GLIS3: variants seen among roughly 807,000 people sequenced by gnomAD.
GLIS3 encodes the protein zinc finger protein GLIS3.
A neutral mutation model predicts 78.6 loss-of-function variants in GLIS3; 53 were observed. The ratio of observed to expected loss-of-function variants is 0.67; its 90% CI spans 0.54 to 0.85. The LOEUF (loss-of-function observed/expected upper bound fraction) is 0.85, where lower values mean the gene tolerates loss of function less well. GLIS3 is among the 40% of genes least tolerant of loss of function. GLIS3 has a pLI of 0.00. For synonymous variants in GLIS3, 684 were observed against 509.9 expected, an observed-to-expected ratio of 1.34 and a Z score of -4.60; for missense variants, 1,703 against 1,231.1, an observed-to-expected ratio of 1.38 and a Z score of -5.74.
chr9:4,229,027 G>C (rs1822023654), intron 2 of GLIS3, among the ~76,000 whole-genome samples: 1 of 152,196 alleles, frequency 6.6e-6, no homozygotes, highest in African/African-American at 2.4e-5. Flanking sequence ...TCATGAGGCA[G>C]TTTTGTATAT....
chr9:4,474,549 A>G, the GLIS3 span, among the ~76,000 whole-genome samples: 27 of 152,344 alleles, frequency 1.8e-4, no homozygotes, highest in Middle Eastern at 3.4e-3. Flanking sequence ...AAAATAATGA[A>G]TCCCAGATAG....
chr9:3,852,869 T>C (rs1374515810), intron 9 of GLIS3, among the ~76,000 whole-genome samples: 2 of 152,224 alleles, frequency 1.3e-5, no homozygotes, highest in Non-Finnish European at 2.9e-5. Context: ...AGGGCTGATA[T>C]TAGCAGTTTC....
At chr9:4,419,608 C>T in the GLIS3 span, among the ~76,000 whole-genome samples, 4 of 152,134 alleles carry the variant, frequency 2.6e-5, no homozygotes, top group East Asian at 7.8e-4. Flanking sequence ...TGTGAAACCC[C>T]ATCTCTACTA....
chr9:4,213,187 G>A (rs544625331), intron 2 of GLIS3, among the ~76,000 whole-genome samples: 2 of 152,218 alleles, frequency 1.3e-5, no homozygotes, highest in East Asian at 1.9e-4. Flanking sequence ...TTCTACTCCA[G>A]CTGTTTCCTT....
intron 2 of GLIS3, among the ~76,000 whole-genome samples, chr9:4,246,732 C>G (rs1302498206): frequency 1.3e-5 from 2 of 152,182 alleles, no homozygotes; most frequent in Non-Finnish European, 2.9e-5. Context: ...TTTCCTAAAA[C>G]AAAACTGCAT....
the GLIS3 span, among the ~76,000 whole-genome samples, chr9:4,445,433 C>T: frequency 6.6e-6 from 1 of 152,084 alleles, no homozygotes; most frequent in African/African-American, 2.4e-5. Context: ...TCAAGACCAG[C>T]CTGGGCAACA....
At chr9:4,392,191 G>T in the GLIS3 span, among the ~76,000 whole-genome samples, 1 of 151,900 alleles carries the variant, frequency 6.6e-6, no homozygotes, top group South Asian at 2.1e-4. Context: ...GCTGAACGAT[G>T]AGAGCACATG....
In GLIS3 at chr9:4,287,750, G is replaced by C. The variant is rs191467308; in HGVS notation, c.-98-1227C>G. ...AGGACTCCATAAATAATCGAGAAAA[G>C]GCTATCAAGGAGAAACACTTTTTGT... On this transcript the variant is annotated intron_variant, in intron 1 of 10. Transcript: ENST00000381971. 5.5e-3 allele frequency among the ~76,000 whole-genome samples: 839 copies of C among 152,236 alleles called. 8 individuals carry two copies. Among genetic ancestry groups the C allele is most frequent in the Non-Finnish European group, 7.8e-3 (532 of 68,014 alleles).
At chr9:4,467,796 T>TC in the GLIS3 span, among the ~76,000 whole-genome samples, 844 of 152,226 alleles carry the variant, frequency 5.5e-3, 4 homozygotes, top group Non-Finnish European at 0.01. Flanking sequence ...CTCTGACGAG[T>TC]TGAGAGAAGA....
At chr9:3,879,290 T>C in intron 8 of GLIS3, 137 bp downstream of exon 8, 1 of 812,006 alleles carries the variant, frequency 1.2e-6, no homozygotes, top group Non-Finnish European at 2.2e-6. Flanking sequence ...TTTGTGTATG[T>C]ACTTTTAAAA....
At chr9:3,872,806 A>C (rs1286534270) in intron 8 of GLIS3, among the ~76,000 whole-genome samples, 2 of 152,236 alleles carry the variant, frequency 1.3e-5, no homozygotes, top group Admixed American at 6.5e-5. Flanking sequence ...TGTAGCAATA[A>C]ATGCTTATAT....
chr9:4,096,790 T>C (rs751730660), intron 4 of GLIS3, among the ~76,000 whole-genome samples: 13 of 152,140 alleles, frequency 8.5e-5, no homozygotes, highest in Non-Finnish European at 1.3e-4. Flanking sequence ...GGCAGGTGGA[T>C]TGCTTGAACC....
the GLIS3 span, among the ~76,000 whole-genome samples, chr9:4,354,625 C>T: frequency 2.0e-5 from 3 of 152,290 alleles, no homozygotes; most frequent in Admixed American, 2.0e-4. Flanking sequence ...TGGAACAGTG[C>T]ACTATTCAAG....
chr9:3,942,399 C>G (rs1401177156), intron 4 of GLIS3, among the ~76,000 whole-genome samples: 1 of 152,144 alleles, frequency 6.6e-6, no homozygotes, highest in Non-Finnish European at 1.5e-5. Context: ...TCTCCACATA[C>G]AACCCAAAGA....
At chr9:4,440,854 T>G in the GLIS3 span, among the ~76,000 whole-genome samples, 1 of 152,192 alleles carries the variant, frequency 6.6e-6, no homozygotes, top group Non-Finnish European at 1.5e-5. Flanking sequence ...TTTTGTAGTT[T>G]TCATTGTAAA....
intron 2 of GLIS3, among the ~76,000 whole-genome samples, chr9:4,327,920 G>C (rs964191957): frequency 1.3e-5 from 2 of 152,182 alleles, no homozygotes; most frequent in Admixed American, 6.5e-5. Flanking sequence ...AGTTAATTCT[G>C]CTGAAATTGC....
the GLIS3 span, among the ~76,000 whole-genome samples, chr9:4,385,727 G>GAAAGAA: frequency 4.9e-5 from 2 of 41,072 alleles, no homozygotes; most frequent in African/African-American, 8.3e-5. Context: ...GAGAGAGAAA[G>GAAAGAA]AAAGAAAGAA....
At chr9:3,844,422 A>G (rs186794000) in intron 9 of GLIS3, among the ~76,000 whole-genome samples, 1 of 152,220 alleles carries the variant, frequency 6.6e-6, no homozygotes, top group African/African-American at 2.4e-5. Flanking sequence ...AAAAACAATT[A>G]ATTCATTTTA....
chr9:3,878,409 A>G (rs571504415), intron 8 of GLIS3, among the ~76,000 whole-genome samples: 2 of 152,350 alleles, frequency 1.3e-5, no homozygotes, highest in South Asian at 4.1e-4. Flanking sequence ...TTCATTAAAC[A>G]AAATAATATT....
Sources: allele counts gnomAD v4.1 joint callset (sites outside exome capture counted in the v4.1 genomes callset), GRCh38; gene constraint gnomAD v4.1.1; transcripts MANE v1.5; gene names NCBI Gene and HGNC (gene_info 2026-07-23, HGNC 2026-07-21).